RPH3A: variants seen among roughly 807,000 people sequenced by gnomAD.
RPH3A encodes rabphilin 3A, also known as rabphilin-3A.
A neutral mutation model predicts 102.2 loss-of-function variants in RPH3A; 48 were observed. The ratio of observed to expected loss-of-function variants is 0.47; its 90% confidence interval spans 0.37 to 0.60. The LOEUF (loss-of-function observed/expected upper bound fraction) is 0.60, where lower values mean the gene tolerates loss of function less well. Among genes scored for constraint, RPH3A ranks in the 20% least tolerant of loss-of-function variants. The pLI, the probability that RPH3A is intolerant of heterozygous loss-of-function variation, is 0.00. For synonymous variants in RPH3A, 310 were observed against 324.3 expected, an observed-to-expected ratio of 0.96 and a Z score of 0.47; for missense variants, 781 against 910.1, an observed-to-expected ratio of 0.86 and a Z score of 1.83.
chr12:112,685,476 A>T (rs2040256759), intron 1 of RPH3A, among the ~76,000 whole-genome samples: 1 of 152,188 alleles, frequency 6.6e-6, no homozygotes, highest in African/African-American at 2.4e-5. Flanking sequence ...AAGGTGACAG[A>T]TGGGAGATCC....
chr12:112,689,446 C>T (rs79232516), intron 1 of RPH3A, among the ~76,000 whole-genome samples: 5 of 152,112 alleles, frequency 3.3e-5, no homozygotes, highest in African/African-American at 7.2e-5. Flanking sequence ...CTATGAAGAC[C>T]GTATATATTC....
chr12:112,680,334 G>T (rs2040217988), intron 1 of RPH3A, among the ~76,000 whole-genome samples: 1 of 152,166 alleles, frequency 6.6e-6, no homozygotes, highest in South Asian at 2.1e-4. Flanking sequence ...ATTGTAAAAA[G>T]TGCTCCTTTG....
chr12:112,691,169 C>T (rs972380220), intron 1 of RPH3A, among the ~76,000 whole-genome samples: 19 of 152,160 alleles, frequency 1.2e-4, no homozygotes, highest in Non-Finnish European at 2.1e-4. Context: ...GGACTACAGG[C>T]GCCCGCCACC....
intron 19 of RPH3A, chr12:112,893,674 T>A (rs1266307234): frequency 4.6e-5 from 7 of 152,196 alleles, no homozygotes; most frequent in Non-Finnish European, 8.8e-5. Flanking sequence ...ACTGAAGGCA[T>A]ACATCACTGT....
intron 1 of RPH3A, among the ~76,000 whole-genome samples, chr12:112,681,404 C>T (rs1014363307): frequency 8.5e-5 from 13 of 152,232 alleles, no homozygotes; most frequent in African/African-American, 3.1e-4. Context: ...ACTCTCCTGC[C>T]TAAACCTCTT....
chr12:112,710,271 C>T (rs562630346), intron 1 of RPH3A, among the ~76,000 whole-genome samples: 3 of 152,202 alleles, frequency 2.0e-5, no homozygotes, highest in African/African-American at 7.2e-5. Flanking sequence ...CCACCGCGCC[C>T]GGCCTGGTTG....
Position 112,712,243 on chromosome 12 carries a change from T to C in RPH3A, c.-139-79900T>C, listed in dbSNP as rs111578030. On this transcript the variant is annotated intron_variant, in intron 1 of 21. Coordinates refer to the RPH3A transcript ENST00000543106. ...TGCACGCACGCAGGCACGCACGTAA[T>C]CCACCCAGACCAACATTTTCTATTC... Among the ~76,000 whole-genome samples, 9 of 152,284 alleles carry C rather than the reference T, an allele frequency of 5.9e-5. 3 individuals carry two copies. The highest frequency in any genetic ancestry group is 2.2e-4 in the African/African-American group (9 of 41,566).
intron 1 of RPH3A, among the ~76,000 whole-genome samples, chr12:112,761,476 G>A (rs1224442044): frequency 1.3e-5 from 2 of 152,244 alleles, no homozygotes; most frequent in East Asian, 1.9e-4. Flanking sequence ...CTGTTCATTG[G>A]GAACTGGAGT....
chr12:112,648,744 C>CAAAAA (rs1197742131), intron 1 of RPH3A, among the ~76,000 whole-genome samples: 2 of 59,066 alleles, frequency 3.4e-5, no homozygotes, highest in African/African-American at 1.4e-4. Context: ...GACACGGTCT[C>CAAAAA]AAAAAAAAAA....
chr12:112,688,767 T>C (rs1464818863), intron 1 of RPH3A, among the ~76,000 whole-genome samples: 4 of 152,220 alleles, frequency 2.6e-5, no homozygotes, highest in East Asian at 1.9e-4. Flanking sequence ...TTAGGAGGTA[T>C]GTCAAAGAAT....
chr12:112,800,553 G>C (rs1479848485), intron 2 of RPH3A, among the ~76,000 whole-genome samples: 1 of 152,154 alleles, frequency 6.6e-6, no homozygotes, highest in African/African-American at 2.4e-5. Context: ...AGTAATGATT[G>C]TTTTGGTCTC....
At chr12:112,670,825 A>G (rs903943576) in intron 1 of RPH3A, among the ~76,000 whole-genome samples, 21 of 152,218 alleles carry the variant, frequency 1.4e-4, no homozygotes, top group African/African-American at 4.8e-4. Flanking sequence ...GGGGTTGCAC[A>G]CCATCACTTT....
intron 1 of RPH3A, among the ~76,000 whole-genome samples, chr12:112,748,330 C>G (rs1051669438): frequency 6.6e-6 from 1 of 152,050 alleles, no homozygotes; most frequent in Admixed American, 6.5e-5. Context: ...ACCACCACCC[C>G]ACTCCCCCAC....
intron 1 of RPH3A, among the ~76,000 whole-genome samples, chr12:112,778,562 G>A (rs2040984858): frequency 6.6e-6 from 1 of 152,184 alleles, no homozygotes; most frequent in Non-Finnish European, 1.5e-5. Flanking sequence ...AACAACAAAA[G>A]GCAGGGGAAC....
chr12:112,637,760 A>G (rs2039858467), intron 1 of RPH3A, among the ~76,000 whole-genome samples: 1 of 151,986 alleles, frequency 6.6e-6, no homozygotes, highest in South Asian at 2.1e-4. Flanking sequence ...GCATTGTATC[A>G]CACAACCCAT....
chr12:112,727,034 C>CAAAT (rs987296032), intron 1 of RPH3A, among the ~76,000 whole-genome samples: 17 of 151,544 alleles, frequency 1.1e-4, no homozygotes, highest in East Asian at 5.8e-4. Context: ...AATAAATAAA[C>CAAAT]AAATAAATAA....
chr12:112,841,672 C>T (rs576209924), intron 4 of RPH3A, among the ~76,000 whole-genome samples: 1 of 151,148 alleles, frequency 6.6e-6, no homozygotes, highest in East Asian at 1.9e-4. Context: ...GCAGATTGAT[C>T]TGAATCTAAA....
chr12:112,811,422 C>T (rs1326590956), intron 2 of RPH3A, among the ~76,000 whole-genome samples: 1 of 152,082 alleles, frequency 6.6e-6, no homozygotes, highest in African/African-American at 2.4e-5. Context: ...CACAGCCTTC[C>T]TGCTCCTAGG....
At chr12:112,713,061 CTTCT>C (rs2040488966) in intron 1 of RPH3A, among the ~76,000 whole-genome samples, 1 of 96,510 alleles carries the variant, frequency 1.0e-5, no homozygotes, top group Non-Finnish European at 2.5e-5. Context: ...CCTTCTTCTT[CTTCT>C]TCTTCTTCTT....
Sources: gnomAD v4.1 joint callset for allele counts (sites outside exome capture counted in the v4.1 genomes callset) on GRCh38, gnomAD v4.1.1 for gene constraint, MANE v1.5 for transcripts, NCBI Gene and HGNC (gene_info 2026-07-23, HGNC 2026-07-21) for gene names.